Variants in LOXL3 observed in about 807,000 individuals in gnomAD.
The protein encoded by LOXL3 is lysyl oxidase homolog 3.
In LOXL3, 60 loss-of-function variants were observed where a neutral mutation model predicts 91.8. The ratio of observed to expected loss-of-function variants is 0.65; its 90% CI spans 0.53 to 0.81. The LOEUF (loss-of-function observed/expected upper bound fraction) is 0.81, where lower values mean the gene tolerates loss of function less well. LOXL3 is among the 30% of genes least tolerant of loss of function. LOXL3 has a pLI of 0.00. For synonymous variants in LOXL3, 355 were observed against 387.6 expected, an observed-to-expected ratio of 0.92 and a Z score of 0.99; for missense variants, 874 against 1,000.4, an observed-to-expected ratio of 0.87 and a Z score of 1.70.
At chr2:74,551,324 TC>T (rs1676997241) in intron 2 of LOXL3, among the ~76,000 whole-genome samples, 1 of 152,196 alleles carries the variant, frequency 6.6e-6, no homozygotes, top group African/African-American at 2.4e-5. Flanking sequence ...GACATCTCAT[TC>T]ACATCCCAAC....
chr2:74,552,174 GTTGC>G (rs1677057246), intron 2 of LOXL3, 144 bp downstream of exon 2: 3 of 721,954 alleles, frequency 4.2e-6, no homozygotes, highest in East Asian at 5.5e-5. Flanking sequence ...AAGTAACTAT[GTTGC>G]TTGGTTTGTC....
rs770436498 is a variant in LOXL3, at chr2:74,536,369, G to A, written c.1015C>T (p.His339Tyr). 8 of 1,614,126 alleles carry A rather than the reference G, an allele frequency of 5.0e-6. No individual in the cohort carries two copies. The Admixed American group carries it at 1.3e-4, about 27-fold the overall frequency. Residue 339 changes from histidine (H) to tyrosine (Y), a missense_variant, in exon 6 of 14, where the codon CAT (histidine) becomes TAT (tyrosine). Physicochemically the swap from His to Tyr is moderately conservative, Grantham distance 83 (BLOSUM62 2). Transcript: ENST00000264094. This position sits in a 1 kb window ranked among gnomAD's most constrained non-coding sequence, Gnocchi z 4.5. ...GTVCDRKWDL[H>Y]AASVVCRELG... ...TCCCGACACACCACGCTGGCTGCAT[G>A]CAGGTCCCACTTGCGGTCACAGACT...
At chr2:74,551,076 G>A (rs991858832) in intron 2 of LOXL3, among the ~76,000 whole-genome samples, 1 of 152,140 alleles carries the variant, frequency 6.6e-6, no homozygotes, top group African/African-American at 2.4e-5. Context: ...GGGGCTACAA[G>A]CATGTGCCAC....
At chr2:74,546,340 C>T (rs1676588789) in intron 4 of LOXL3, among the ~76,000 whole-genome samples, 1 of 152,194 alleles carries the variant, frequency 6.6e-6, no homozygotes, top group Non-Finnish European at 1.5e-5. Context: ...CACCTCTGCT[C>T]CAAGCCCTCC....
intron 4 of LOXL3, among the ~76,000 whole-genome samples, chr2:74,539,375 C>T (rs1427368608): frequency 6.6e-6 from 1 of 151,828 alleles, no homozygotes; most frequent in Non-Finnish European, 1.5e-5. Context: ...GATTCAGCAA[C>T]AGTAATGGGA....
rs769717558 is a variant in LOXL3, at chr2:74,535,245, C to T, written c.1579+47G>A. The T allele has an allele frequency of 1.3e-5, 20 of 1,574,522 alleles. No homozygotes were observed. Among genetic ancestry groups the T allele is most frequent in the Non-Finnish European group, 1.7e-5 (20 of 1,158,796 alleles). ...GCCCCCTTTCCCTGCAAACGGGTGG[C>T]CCAGACACTCCCTTCCCTGGCATGC... On this transcript the variant is annotated intron_variant, in intron 9 of 13. Transcript: ENST00000264094. The surrounding 1 kb of genome is among the most constrained non-coding windows in gnomAD (Gnocchi z 4.2).
chr2:74,552,314 T>C lies in LOXL3; in HGVS notation c.313+8A>G, dbSNP rs780691408. 1.9e-6 allele frequency: 3 copies of C among 1,593,030 alleles called. No individual in the cohort carries two copies. The African/African-American group carries it at 4.0e-5, about 21-fold the overall frequency. ...AAATATCTAGGATATGCCTGGATCA[T>C]TGCTCACCTGTTCCAGGGCCATATT... On this transcript the variant is annotated splice_region_variant and intron_variant, in intron 2 of 13. Transcript: ENST00000264094.
chr2:74,534,657 C>T lies in LOXL3; in HGVS notation c.1697G>A (p.Arg566His), dbSNP rs370672032. ...AEENCLASSA[R>H]SANWPYGHRR... Reference sequence around the variant, plus strand: ...GTGACCATAGGGCCAGTTGGCTGAGCGGGCTGAGCTGGCCAGGCAGTTCTC... The same window carrying T: ...GTGACCATAGGGCCAGTTGGCTGAGTGGGCTGAGCTGGCCAGGCAGTTCTC... Residue 566 changes from arginine to histidine, a missense_variant, in exon 10 of 14, where the codon CGC becomes CAC. Physicochemically the swap from Arg to His is conservative, Grantham distance 29. Coordinates refer to ENST00000264094, the MANE Select transcript of LOXL3 (RefSeq NM_032603.5). 18 of 1,614,044 alleles carry T rather than the reference C, an allele frequency of 1.1e-5. No individual in the cohort carries two copies. The highest frequency in any genetic ancestry group is 1.6e-4 in the Middle Eastern group (1 of 6,084).
chr2:74,547,855 A>G (rs1676697419), intron 4 of LOXL3, among the ~76,000 whole-genome samples: 1 of 152,202 alleles, frequency 6.6e-6, no homozygotes, highest in Non-Finnish European at 1.5e-5. Context: ...TTCTTTTTTG[A>G]CAGGATTACT....
intron 13 of LOXL3, 62 bp downstream of exon 13, chr2:74,533,818 AAG>A: frequency 1.3e-6 from 2 of 1,486,388 alleles, no homozygotes; most frequent in East Asian, 2.3e-5. Flanking sequence ...AGCTATGGAA[AAG>A]AGAATGAACG....
upstream of LOXL3, chr2:74,554,062 C>T (rs1677207431): frequency 6.5e-6 from 1 of 152,936 alleles, no homozygotes. The surrounding 1 kb of genome is among the most constrained non-coding windows in gnomAD (Gnocchi z 4.9). Context: ...TTCCATTCCT[C>T]CCGGCCAGTT....
Position 74,550,310 on chromosome 2 carries a change from C to CAA in LOXL3, c.351_352insTT (p.Glu118LeufsTer5), listed in dbSNP as rs1676921939. The stretch of plus-strand genomic sequence containing the variant: ...GAGGCACATTCAGTCACACTCTGCT[C>CAA]GGTCCCACTGCAGCTCAAGTTGTCC... On this transcript the variant is annotated frameshift_variant, in exon 3 of 14. Transcript: ENST00000264094. LOFTEE classifies it high-confidence loss of function. The CAA allele has an allele frequency of 6.2e-7, 1 of 1,613,980 alleles. No homozygotes were observed. Among genetic ancestry groups the CAA allele is most frequent in the Admixed American group, 1.7e-5 (1 of 59,986 alleles).
chr2:74,540,592 C>T (rs1026508461), intron 4 of LOXL3, among the ~76,000 whole-genome samples: 2 of 152,114 alleles, frequency 1.3e-5, no homozygotes, highest in Non-Finnish European at 2.9e-5. Flanking sequence ...AAGTTCCAAT[C>T]CCATATGCTG....
rs569671139 is a variant in LOXL3, at chr2:74,534,731, G to A, written c.1623C>T (p.Thr541=). The A allele has an allele frequency of 1.1e-5, 17 of 1,614,080 alleles. No homozygotes were observed. The highest frequency in any genetic ancestry group is 3.3e-5 in the South Asian group (3 of 91,076). ...GCAGGGGCCGGTCTTCGATGTAGGCGGTCTCCTGCACCAGTGCTGAGTGCA... is the reference window on the plus strand; with the variant it reads ...GCAGGGGCCGGTCTTCGATGTAGGCAGTCTCCTGCACCAGTGCTGAGTGCA... ...LLLHSALVQE[T]AYIEDRPLHM... The change falls in exon 10 of 14, where the codon ACC becomes ACT. Residue 541 remains threonine (T), a synonymous_variant. Coordinates refer to ENST00000264094, the MANE Select transcript of LOXL3 (RefSeq NM_032603.5).
In LOXL3 at chr2:74,550,345, C is replaced by A. The variant is rs73949682; in HGVS notation, c.317G>T (p.Arg106Leu). ...HSAKYGPGTG[R>L]IWLDNLSCSG... Reference sequence around the variant, plus strand: ...GCAGCTCAAGTTGTCCAGCCAGATGCGGCCTGTGGAAGGGGAGATGAAGGG... The same window carrying A: ...GCAGCTCAAGTTGTCCAGCCAGATGAGGCCTGTGGAAGGGGAGATGAAGGG... Residue 106 changes from arginine to leucine, a missense_variant, in exon 3 of 14, where the codon CGC becomes CTC. Transcript: ENST00000264094. The A allele has an allele frequency of 3.9e-3, 6,317 of 1,612,492 alleles. 221 individuals carry two copies. In the African/African-American group the frequency reaches 0.075, roughly 19 times the overall value.
chr2:74,541,548 A>G (rs748935954), intron 4 of LOXL3, among the ~76,000 whole-genome samples: 20 of 152,176 alleles, frequency 1.3e-4, no homozygotes, highest in Non-Finnish European at 2.6e-4. Flanking sequence ...AGACTCTTTC[A>G]TCTTATAAAT....
chr2:74,550,070 C>T, intron 3 of LOXL3, 115 bp downstream of exon 3: 2 of 1,482,800 alleles, frequency 1.3e-6, no homozygotes, highest in Non-Finnish European at 1.8e-6. Context: ...CCAAGTCTCC[C>T]ACCAATCCAA....
chr2:74,533,158 T>G lies in LOXL3; in HGVS notation c.*448A>C. 1.6e-6 allele frequency: 1 copy of G among 623,060 alleles called. No homozygotes were observed. Among genetic ancestry groups the G allele is most frequent in the Non-Finnish European group, 2.8e-6 (1 of 356,360 alleles). 38.6% of individuals were successfully genotyped at this position (623,060 alleles called of 1,614,324 possible). ...TCACAGAAACACTTTTTATATAAAA[T>G]AAAATTATACCTAGCAACATATTAT... On this transcript the variant is annotated 3_prime_UTR_variant, in exon 14 of 14. Coordinates refer to ENST00000264094, the MANE Select transcript of LOXL3 (RefSeq NM_032603.5).
chr2:74,549,806 A>C lies in LOXL3; in HGVS notation c.478-223T>G, dbSNP rs1676883206. The stretch of plus-strand genomic sequence containing the variant: ...TGTGCTCCCAGAGAGGATTCAGGGC[A>C]CTAGGAAGGAGGCCCTCCCTGTGCC... On this transcript the variant is annotated intron_variant, in intron 3 of 13. Coordinates refer to ENST00000264094, the MANE Select transcript of LOXL3 (RefSeq NM_032603.5). This position sits in a 1 kb window ranked among gnomAD's most constrained non-coding sequence, Gnocchi z 5.3. The C allele has an allele frequency of 7.1e-7, 1 of 1,411,926 alleles. No individual in the cohort carries two copies. The highest frequency in any genetic ancestry group is 9.2e-7 in the Non-Finnish European group (1 of 1,087,582). The allele number at this position is 1,411,926 out of a possible 1,614,324, so 87.5% of individuals were successfully genotyped here.
Sources: gnomAD v4.1 joint callset for allele counts (sites outside exome capture counted in the v4.1 genomes callset) on GRCh38, gnomAD v4.1.1 for gene constraint, Gnocchi (gnomAD v3.1) non-coding constraint, MANE v1.5 for transcripts, NCBI Gene and HGNC (gene_info 2026-07-23, HGNC 2026-07-21) for gene names.